Variants in CTNNA2 observed in about 807,000 individuals in gnomAD.
The protein encoded by CTNNA2 is catenin alpha-2.
A neutral mutation model predicts 101.0 loss-of-function variants in CTNNA2; 42 were observed. That is an observed-to-expected ratio of 0.42 (90% confidence interval 0.32 to 0.54). The LOEUF is 0.54. CTNNA2 is among the 20% of genes least tolerant of loss of function. The probability of loss-of-function intolerance (pLI) is 0.14; values close to 1 mark genes in which losing one functional copy is unlikely to be tolerated. For missense variants in CTNNA2, 871 were observed against 1,223.1 expected (o/e 0.71, Z 4.29); for synonymous variants, 450 against 456.4 (o/e 0.99, Z 0.18).
At chr2:79,568,544 G>A (rs1483473051) in intron 1 of CTNNA2, among the ~76,000 whole-genome samples, 1 of 152,058 alleles carries the variant, frequency 6.6e-6, no homozygotes, top group Non-Finnish European at 1.5e-5. Flanking sequence ...GTTGCAGTGA[G>A]CCAAGATTGC....
intron 2 of CTNNA2, among the ~76,000 whole-genome samples, chr2:79,701,150 C>G (rs530776060): frequency 6.6e-6 from 1 of 152,082 alleles, no homozygotes; most frequent in African/African-American, 2.4e-5. Flanking sequence ...GTGTGTCAAC[C>G]ACTATGTTCC....
At chr2:79,626,731 C>A (rs1679336229) in intron 1 of CTNNA2, among the ~76,000 whole-genome samples, 1 of 150,960 alleles carries the variant, frequency 6.6e-6, no homozygotes, top group East Asian at 2.0e-4. Context: ...GGCTAAACAG[C>A]CTTGTGTGAG....
chr2:80,389,220 T>C (rs1677282375), intron 7 of CTNNA2, among the ~76,000 whole-genome samples: 1 of 152,212 alleles, frequency 6.6e-6, no homozygotes, highest in African/African-American at 2.4e-5. Flanking sequence ...AAATGTCTTT[T>C]ATTGTTTCTA....
chr2:80,354,025 G>A (rs116487922), intron 7 of CTNNA2, among the ~76,000 whole-genome samples: 265 of 152,234 alleles, frequency 1.7e-3, no homozygotes, highest in Non-Finnish European at 3.3e-3. Flanking sequence ...CAGGGTAAAT[G>A]GAGGTAAATG....
rs114474518 is a variant in CTNNA2 at position 79,457,087 on chromosome 2, A to C, written c.-134-47967A>C. On this transcript the variant is annotated intron_variant, in intron 4 of 21. Coordinates refer to the CTNNA2 transcript ENST00000466387. Reference sequence around the variant, plus strand: ...CGCGGTGGCGGGCGCCTGTAGTCCCAGCTACTCAGGAGGCTGAGGCAGGAG... The same window carrying C: ...CGCGGTGGCGGGCGCCTGTAGTCCCCGCTACTCAGGAGGCTGAGGCAGGAG... Among the ~76,000 whole-genome samples the C allele has an allele frequency of 9.1e-3, 1,391 of 152,056 alleles. 26 individuals carry two copies. The highest frequency in any genetic ancestry group is 0.032 in the African/African-American group (1,320 of 41,496).
At chr2:79,423,243 G>A (rs1573159157) in intron 4 of CTNNA2, among the ~76,000 whole-genome samples, 1 of 152,124 alleles carries the variant, frequency 6.6e-6, no homozygotes, top group African/African-American at 2.4e-5. Flanking sequence ...CTGGTCAATA[G>A]CACCAGATGA....
At chr2:79,686,799 T>C (rs1683961811) in intron 2 of CTNNA2, among the ~76,000 whole-genome samples, 1 of 152,086 alleles carries the variant, frequency 6.6e-6, no homozygotes, top group South Asian at 2.1e-4. Flanking sequence ...ATGATGTGGG[T>C]GTCCCAATTT....
At chr2:80,587,587 C>T (rs1474164983) in intron 14 of CTNNA2, among the ~76,000 whole-genome samples, 1 of 152,120 alleles carries the variant, frequency 6.6e-6, no homozygotes, top group Non-Finnish European at 1.5e-5. Flanking sequence ...AGCTACAGAG[C>T]CCCTGTTGAA....
intron 2 of CTNNA2, among the ~76,000 whole-genome samples, chr2:79,290,865 C>T (rs1675786036): frequency 6.6e-6 from 1 of 152,230 alleles, no homozygotes; most frequent in South Asian, 2.1e-4. Context: ...CCTCAGGATA[C>T]AGAAAGCCCT....
At chr2:79,337,524 C>A (rs1182554832) in intron 3 of CTNNA2, among the ~76,000 whole-genome samples, 2 of 152,080 alleles carry the variant, frequency 1.3e-5, no homozygotes, top group Non-Finnish European at 2.9e-5. Context: ...AGCAATTTAT[C>A]CATGTAACAA....
intron 7 of CTNNA2, among the ~76,000 whole-genome samples, chr2:79,961,766 G>A (rs1689647867): frequency 6.8e-6 from 1 of 147,506 alleles, no homozygotes; most frequent in Admixed American, 6.9e-5. Flanking sequence ...AGCCTGCGGT[G>A]AGCCGAGATC....
Position 79,522,569 on chromosome 2 carries a change from A to G in CTNNA2, c.-6+9362A>G, listed in dbSNP as rs189564216. Reference sequence around the variant, plus strand: ...AACTTTGCTTCAGCAATGGATGGGAATAAGAGTATGGAGGAGGGGGTGACC... The same window carrying G: ...AACTTTGCTTCAGCAATGGATGGGAGTAAGAGTATGGAGGAGGGGGTGACC... On this transcript the variant is annotated intron_variant, in intron 1 of 18. Coordinates refer to ENST00000402739, the MANE Select transcript of CTNNA2 (RefSeq NM_001282597.3). 1.3e-3 allele frequency among the ~76,000 whole-genome samples: 195 copies of G among 152,298 alleles called. 2 individuals carry two copies. The Middle Eastern group carries it at 0.024, about 19-fold the overall frequency.
intron 6 of CTNNA2, among the ~76,000 whole-genome samples, chr2:79,877,973 C>T (rs1028373226): frequency 6.6e-6 from 1 of 152,060 alleles, no homozygotes; most frequent in Admixed American, 6.6e-5. Flanking sequence ...CCCTTGCCCC[C>T]ACCCCGCAAC....
chr2:79,482,531 C>T (rs1163016083), intron 4 of CTNNA2, among the ~76,000 whole-genome samples: 1 of 152,120 alleles, frequency 6.6e-6, no homozygotes, highest in African/African-American at 2.4e-5. Flanking sequence ...GCCTAGATTT[C>T]CAAATGTTAC....
intron 3 of CTNNA2, among the ~76,000 whole-genome samples, chr2:79,322,209 A>C (rs1676640897): frequency 1.3e-5 from 2 of 152,342 alleles, no homozygotes; most frequent in African/African-American, 4.8e-5. Flanking sequence ...ATTGTCATCA[A>C]CAAGGGCTGG....
At chr2:79,203,155 C>T (rs943372164) in intron 2 of CTNNA2, among the ~76,000 whole-genome samples, 6 of 152,128 alleles carry the variant, frequency 3.9e-5, no homozygotes, top group Admixed American at 3.9e-4. Context: ...TATTGCTTCC[C>T]ACAGCTCTGG....
At chr2:79,568,006 G>A (rs947641412) in intron 1 of CTNNA2, among the ~76,000 whole-genome samples, 6 of 152,042 alleles carry the variant, frequency 3.9e-5, no homozygotes, top group Admixed American at 6.6e-5. Flanking sequence ...GGAGGACACC[G>A]AATCTTTGTT....
At chr2:79,187,625 A>T (rs1673798643) in intron 1 of CTNNA2, among the ~76,000 whole-genome samples, 1 of 152,182 alleles carries the variant, frequency 6.6e-6, no homozygotes, top group Non-Finnish European at 1.5e-5. Context: ...CTTGTTATGC[A>T]TCTTTAATTG....
chr2:80,011,272 A>C (rs578001252), intron 7 of CTNNA2, among the ~76,000 whole-genome samples: 1 of 152,342 alleles, frequency 6.6e-6, no homozygotes, highest in Admixed American at 6.5e-5. Flanking sequence ...AAAATGCTAT[A>C]GTTGTAAAAT....
Sources: allele counts gnomAD v4.1 joint callset (sites outside exome capture counted in the v4.1 genomes callset), GRCh38; gene constraint gnomAD v4.1.1; transcripts MANE v1.5; gene names NCBI Gene and HGNC (gene_info 2026-07-23, HGNC 2026-07-21).